The following SGCD variants were observed in gnomAD, a reference collection of about 807,000 sequenced individuals.
SGCD encodes sarcoglycan delta, also known as delta-sarcoglycan.
SGCD carries 18 observed loss-of-function variants against 36.6 expected under a neutral mutation model. That is an observed-to-expected ratio of 0.49 (90% CI 0.34 to 0.73). The LOEUF is 0.73. SGCD is among the 30% of genes least tolerant of loss of function. The pLI, the probability that SGCD is intolerant of heterozygous loss-of-function variation, is 0.01. For synonymous variants in SGCD, 133 were observed against 130.6 expected, an observed-to-expected ratio of 1.02 and a Z score of -0.12; for missense variants, 387 against 346.7, an observed-to-expected ratio of 1.12 and a Z score of -0.92.
At chr5:156,611,336 A>G (rs933259674) in intron 6 of SGCD, among the ~76,000 whole-genome samples, 3 of 152,152 alleles carry the variant, frequency 2.0e-5, no homozygotes, top group Non-Finnish European at 4.4e-5. Flanking sequence ...CTTGTGTGCA[A>G]AAGTCTTTTT....
At chr5:156,176,670 CTG>C (rs1763481986) in intron 3 of SGCD, among the ~76,000 whole-genome samples, 1 of 152,144 alleles carries the variant, frequency 6.6e-6, no homozygotes, top group Non-Finnish European at 1.5e-5. Flanking sequence ...CTTTAGAAGT[CTG>C]AGTGCTTTTT....
At chr5:156,193,029 C>T (rs141963352) in intron 3 of SGCD, among the ~76,000 whole-genome samples, 5 of 151,548 alleles carry the variant, frequency 3.3e-5, no homozygotes, top group Admixed American at 6.6e-5. Context: ...CTACATGTCA[C>T]GAAATATTAT....
intron 3 of SGCD, among the ~76,000 whole-genome samples, chr5:156,435,763 C>A (rs1339218497): frequency 6.6e-6 from 1 of 152,126 alleles, no homozygotes; most frequent in African/African-American, 2.4e-5. Context: ...ATTTGTCCAT[C>A]TGTTTATTAA....
chr5:155,966,600 C>A (rs577279983), intron 1 of SGCD, among the ~76,000 whole-genome samples: 2 of 152,110 alleles, frequency 1.3e-5, no homozygotes, highest in Non-Finnish European at 2.9e-5. Flanking sequence ...GAATCTCTGG[C>A]TTTAACCTTT....
intron 4 of SGCD, among the ~76,000 whole-genome samples, chr5:156,545,719 C>T (rs1424171281): frequency 6.6e-6 from 1 of 152,156 alleles, no homozygotes; most frequent in Non-Finnish European, 1.5e-5. Context: ...GTTCCCTGTA[C>T]CCGTCTTCGG....
intron 1 of SGCD, among the ~76,000 whole-genome samples, chr5:156,033,624 T>C (rs533281689): frequency 6.6e-6 from 1 of 152,182 alleles, no homozygotes; most frequent in Non-Finnish European, 1.5e-5. Context: ...TAAACTCTCC[T>C]CTTTAATGGA....
chr5:156,076,215 T>G (rs571060644), intron 1 of SGCD, among the ~76,000 whole-genome samples: 1 of 152,180 alleles, frequency 6.6e-6, no homozygotes, highest in South Asian at 2.1e-4. Context: ...CAGGTTTCTT[T>G]TTGTATGTTG....
chr5:156,273,264 A>G (rs1247126242), intron 3 of SGCD, among the ~76,000 whole-genome samples: 13 of 152,194 alleles, frequency 8.5e-5, no homozygotes, highest in Non-Finnish European at 1.0e-4. Flanking sequence ...CAAATACGAA[A>G]TAATTGCTGT....
chr5:155,896,169 G>A (rs1266109413), intron 1 of SGCD, among the ~76,000 whole-genome samples: 3 of 152,144 alleles, frequency 2.0e-5, no homozygotes, highest in Non-Finnish European at 1.5e-5. Flanking sequence ...TGGGTAAGTC[G>A]ATTGATTCTG....
intron 3 of SGCD, among the ~76,000 whole-genome samples, chr5:156,290,218 A>G (rs1235200084): frequency 2.6e-5 from 4 of 152,152 alleles, no homozygotes; most frequent in Admixed American, 2.0e-4. Flanking sequence ...ACACTGAGAC[A>G]GAGAAAGCTT....
intron 3 of SGCD, among the ~76,000 whole-genome samples, chr5:156,179,410 A>T (rs1156310753): frequency 6.6e-6 from 1 of 152,132 alleles, no homozygotes; most frequent in African/African-American, 2.4e-5. Context: ...CTTTTGTATT[A>T]TTAAAAAATG....
the SGCD span, among the ~76,000 whole-genome samples, chr5:155,841,822 A>T: frequency 1.3e-5 from 2 of 152,138 alleles, no homozygotes; most frequent in African/African-American, 4.8e-5. Flanking sequence ...GGAGAAAAAA[A>T]GCCCAGATGT....
chr5:155,904,505 A>G (rs144328388), intron 1 of SGCD, among the ~76,000 whole-genome samples: 36 of 152,318 alleles, frequency 2.4e-4, no homozygotes, highest in African/African-American at 7.9e-4. Context: ...TATCATTTTT[A>G]ATTTGTTCGT....
intron 3 of SGCD, among the ~76,000 whole-genome samples, chr5:156,502,488 C>T (rs373189667): frequency 6.6e-6 from 1 of 152,102 alleles, no homozygotes; most frequent in East Asian, 1.9e-4. Flanking sequence ...GTATATGTTA[C>T]CATACCAACT....
chr5:155,938,949 A>G (rs1757270245), intron 1 of SGCD, among the ~76,000 whole-genome samples: 1 of 152,238 alleles, frequency 6.6e-6, no homozygotes, highest in Non-Finnish European at 1.5e-5. Flanking sequence ...CCTTGTCATC[A>G]GCATTACCAT....
chr5:156,745,046 G>C (rs1342072501), intron 7 of SGCD, among the ~76,000 whole-genome samples: 1 of 152,138 alleles, frequency 6.6e-6, no homozygotes, highest in African/African-American at 2.4e-5. Flanking sequence ...TGCTAACCTA[G>C]ATGAAATTTA....
chr5:155,826,209 C>T, the SGCD span, among the ~76,000 whole-genome samples: 3 of 152,204 alleles, frequency 2.0e-5, no homozygotes, highest in Non-Finnish European at 4.4e-5. Context: ...CTATGTCTGT[C>T]ACATGTGTTT....
intron 2 of SGCD, among the ~76,000 whole-genome samples, chr5:156,334,609 C>CTTTTTTTTTTTTTTTTTTTTTTTTTTTT (rs35767339): frequency 9.5e-6 from 1 of 105,066 alleles, no homozygotes. Context: ...GGTCTATTTT[C>CTTTTTTTTTTTTTTTTTTTTTTTTTTTT]TTTTTTTTTT....
At chr5:156,323,014 G>A (rs1305267851), upstream of SGCD, among the ~76,000 whole-genome samples, 1 of 152,150 alleles carries the variant, frequency 6.6e-6, no homozygotes, top group East Asian at 1.9e-4. Flanking sequence ...AACCTCTGGG[G>A]TGGGACCCTG....
Sources: allele counts gnomAD v4.1 joint callset (sites outside exome capture counted in the v4.1 genomes callset), GRCh38; gene constraint gnomAD v4.1.1; transcripts MANE v1.5; gene names NCBI Gene and HGNC (gene_info 2026-07-23, HGNC 2026-07-21).